Variants in FBXO40 observed in about 807,000 individuals in gnomAD.
FBXO40 encodes F-box only protein 40.
FBXO40 carries 50 observed loss-of-function variants against 49.9 expected under a neutral mutation model. The observed-to-expected ratio is 1.00, with a 90% CI of 0.80 to 1.27. FBXO40 has a LOEUF of 1.27. FBXO40 is among the 50% of genes most tolerant of loss of function. The probability of loss-of-function intolerance (pLI) is 0.00; values close to 1 mark genes in which losing one functional copy is unlikely to be tolerated. For missense variants in FBXO40, 895 were observed against 870.1 expected, an observed-to-expected ratio of 1.03 and a Z score of -0.36; for synonymous variants, 340 against 320.2, an observed-to-expected ratio of 1.06 and a Z score of -0.66.
intron 1 of FBXO40, among the ~76,000 whole-genome samples, chr3:121,597,587 A>T (rs1044191209): frequency 2.0e-5 from 3 of 149,718 alleles, no homozygotes; most frequent in Admixed American, 1.3e-4. Context: ...TCATAGAGTG[A>T]CTCATCTATT....
intron 1 of FBXO40, among the ~76,000 whole-genome samples, chr3:121,613,588 C>T (rs1317337753): frequency 6.6e-6 from 1 of 152,198 alleles, no homozygotes. Context: ...TCCTGTCCTC[C>T]ATTCTGGGGC....
intron 1 of FBXO40, among the ~76,000 whole-genome samples, chr3:121,613,209 A>G (rs1185294280): frequency 1.3e-5 from 2 of 151,684 alleles, no homozygotes; most frequent in African/African-American, 4.8e-5. Flanking sequence ...GCTGAATACC[A>G]CTCCTTGTCC....
At position 121,620,575 on chromosome 3, in the gene FBXO40, C is replaced by T; in HGVS notation, c.-1C>T. ...AAGAAGCAAGAAGAAATTGGGGCGCCATGGTAAGCACCAGGAGCTTATTGA... is the reference window on the plus strand; with the variant it reads ...AAGAAGCAAGAAGAAATTGGGGCGCTATGGTAAGCACCAGGAGCTTATTGA... On this transcript the variant is annotated 5_prime_UTR_variant, in exon 2 of 4. Coordinates refer to ENST00000338040, the MANE Select transcript of FBXO40 (RefSeq NM_016298.4). 1 of 1,614,106 alleles carries T rather than the reference C, an allele frequency of 6.2e-7. No individual in the cohort carries two copies. Among genetic ancestry groups the T allele is most frequent in the South Asian group, 1.1e-5 (1 of 91,080 alleles).
At position 121,623,157 on chromosome 3, in the gene FBXO40, G is replaced by A; in HGVS notation, c.1728G>A (p.Leu576=). 6.2e-7 allele frequency: 1 copy of A among 1,614,206 alleles called. No homozygotes were observed. Among genetic ancestry groups the A allele is most frequent in the Non-Finnish European group, 8.5e-7 (1 of 1,180,032 alleles). Residue 576 remains leucine (L), a synonymous_variant, in exon 3 of 4, where the codon CTG becomes CTA. Transcript: ENST00000338040. ...GGKSQNSLTS[L]PLEILKYIAG... is the part of the protein sequence containing the mutation. ...AAAGCCAGAATTCTTTAACCAGCCT[G>A]CCCCTGGAGATTTTGAAGTACATTG... is the stretch of plus-strand genomic sequence containing the variant.
At chr3:121,607,897 T>C (rs938429876) in intron 1 of FBXO40, among the ~76,000 whole-genome samples, 12 of 152,152 alleles carry the variant, frequency 7.9e-5, no homozygotes, top group Non-Finnish European at 1.8e-4. Context: ...TCAACTGAAA[T>C]AAAGAATCCC....
chr3:121,594,358 G>A (rs570545007), intron 1 of FBXO40, among the ~76,000 whole-genome samples: 13 of 151,170 alleles, frequency 8.6e-5, no homozygotes, highest in South Asian at 4.2e-4. Context: ...GTGCCACCAC[G>A]CCTGGCTAAT....
At chr3:121,600,597 G>A (rs924989821) in intron 1 of FBXO40, among the ~76,000 whole-genome samples, 1 of 152,230 alleles carries the variant, frequency 6.6e-6, no homozygotes, top group East Asian at 1.9e-4. Context: ...TCTAGCGATG[G>A]GCTTGCATTT....
chr3:121,602,011 T>TG (rs2048903411), intron 1 of FBXO40, among the ~76,000 whole-genome samples: 2 of 152,232 alleles, frequency 1.3e-5, no homozygotes, highest in South Asian at 2.1e-4. Flanking sequence ...ATGCCACACT[T>TG]GCTCTGGCAA....
chr3:121,595,666 G>T (rs1306740331), intron 1 of FBXO40, among the ~76,000 whole-genome samples: 1 of 152,146 alleles, frequency 6.6e-6, no homozygotes, highest in Admixed American at 6.5e-5. Flanking sequence ...CCCAATGTGG[G>T]AATTAGCCTC....
intron 1 of FBXO40, among the ~76,000 whole-genome samples, chr3:121,594,502 G>A (rs2048861524): frequency 6.6e-6 from 1 of 152,160 alleles, no homozygotes; most frequent in Non-Finnish European, 1.5e-5. Flanking sequence ...TGCCTGATCA[G>A]AATTTCTGTT....
intron 1 of FBXO40, among the ~76,000 whole-genome samples, chr3:121,612,995 G>A (rs1307825016): frequency 1.3e-5 from 2 of 151,624 alleles, no homozygotes; most frequent in Non-Finnish European, 1.5e-5. Context: ...GCGAGAACCC[G>A]GGAGGCGGAG....
chr3:121,594,428 T>C (rs555018360), intron 1 of FBXO40, among the ~76,000 whole-genome samples: 5 of 152,300 alleles, frequency 3.3e-5, no homozygotes, highest in African/African-American at 1.2e-4. Context: ...CTTGAACTCC[T>C]GGCCTCAAGT....
intron 1 of FBXO40, among the ~76,000 whole-genome samples, chr3:121,609,897 T>TA (rs1295754176): frequency 6.6e-6 from 1 of 152,232 alleles, no homozygotes; most frequent in Non-Finnish European, 1.5e-5. Context: ...CCATATTGAA[T>TA]AAGAAATTAA....
intron 1 of FBXO40, among the ~76,000 whole-genome samples, chr3:121,605,299 T>C (rs2048926386): frequency 6.6e-6 from 1 of 152,212 alleles, no homozygotes; most frequent in Non-Finnish European, 1.5e-5. Flanking sequence ...TCATGTACAA[T>C]GTCCTAGCCA....
chr3:121,610,956 C>T (rs1217094337), intron 1 of FBXO40, among the ~76,000 whole-genome samples: 1 of 152,222 alleles, frequency 6.6e-6, no homozygotes, highest in African/African-American at 2.4e-5. Context: ...ACTGCTGTAC[C>T]TCCTACTGGA....
intron 1 of FBXO40, among the ~76,000 whole-genome samples, chr3:121,610,165 T>C (rs1451385886): frequency 1.3e-5 from 2 of 152,186 alleles, no homozygotes; most frequent in Non-Finnish European, 2.9e-5. Flanking sequence ...GAATGGGGCT[T>C]TCTGCCTGCT....
intron 1 of FBXO40, among the ~76,000 whole-genome samples, chr3:121,593,970 A>T (rs1451482215): frequency 6.6e-6 from 1 of 151,736 alleles, no homozygotes; most frequent in African/African-American, 2.4e-5. Context: ...GGTTCTAGTG[A>T]TTCTCCTGCC....
chr3:121,621,770 A>G lies in FBXO40; in HGVS notation c.341A>G (p.Asn114Ser), dbSNP rs777104772. The part of the protein sequence containing the change: ...NVDSETTLHE[N>S]IMKETPSEEC... ...GACTCTGAAACCACCCTTCATGAAAACATCATGAAAGAGACCCCCAGTGAG... is the reference window on the plus strand; with the variant it reads ...GACTCTGAAACCACCCTTCATGAAAGCATCATGAAAGAGACCCCCAGTGAG... Residue 114 changes from asparagine to serine, a missense_variant, in exon 3 of 4, where the codon AAC becomes AGC. Coordinates refer to ENST00000338040, the MANE Select transcript of FBXO40 (RefSeq NM_016298.4). 6 of 1,614,176 alleles carry G rather than the reference A, an allele frequency of 3.7e-6. No individual in the cohort carries two copies. The South Asian group carries it at 6.6e-5, about 18-fold the overall frequency.
chr3:121,615,562 TA>T (rs34194992), intron 1 of FBXO40, among the ~76,000 whole-genome samples: 29,043 of 128,830 alleles, frequency 0.23, 3,549 homozygotes, highest in Middle Eastern at 0.35. Context: ...GACTGTGTCT[TA>T]AAAAAAAAAA....
Sources: gnomAD v4.1 joint callset for allele counts (sites outside exome capture counted in the v4.1 genomes callset) on GRCh38, gnomAD v4.1.1 for gene constraint, MANE v1.5 for transcripts, NCBI Gene and HGNC (gene_info 2026-07-23, HGNC 2026-07-21) for gene names.